Variants in TSPAN14 observed in about 807,000 individuals in gnomAD.
The protein encoded by TSPAN14 is tetraspanin 14.
TSPAN14 carries 16 observed loss-of-function variants against 36.6 expected under a neutral mutation model. The observed-to-expected ratio is 0.44, with a 90% CI of 0.30 to 0.66. TSPAN14 has a LOEUF of 0.66. Among genes scored for constraint, TSPAN14 ranks in the 30% least tolerant of loss-of-function variants. TSPAN14 has a pLI of 0.12. For synonymous variants in TSPAN14, 139 were observed against 143.8 expected (o/e 0.97, Z 0.24); for missense variants, 231 against 355.1 (o/e 0.65, Z 2.81).
chr10:80,482,240 G>C, intron 1 of TSPAN14, among the ~76,000 whole-genome samples: 1 of 152,142 alleles, frequency 6.6e-6, no homozygotes, highest in East Asian at 1.9e-4. Context: ...ATAGAAAAAA[G>C]CAAATCTACA....
At chr10:80,491,203 T>A (rs997181485) in intron 2 of TSPAN14, among the ~76,000 whole-genome samples, 3 of 152,232 alleles carry the variant, frequency 2.0e-5, no homozygotes, top group African/African-American at 7.2e-5. Context: ...CACCAACATC[T>A]GCATCATTGT....
chr10:80,472,481 G>C (rs1326752029), intron 1 of TSPAN14, among the ~76,000 whole-genome samples: 2 of 152,144 alleles, frequency 1.3e-5, no homozygotes, highest in Non-Finnish European at 2.9e-5. Context: ...TTTGTTCTTT[G>C]TAAGTGTCCT....
chr10:80,493,699 A>G (rs1267529338), intron 2 of TSPAN14, among the ~76,000 whole-genome samples: 1 of 152,270 alleles, frequency 6.6e-6, no homozygotes, highest in Non-Finnish European at 1.5e-5. Flanking sequence ...CACAGTAGTC[A>G]GAATCATAGA....
At chr10:80,476,906 C>G (rs769272136) in intron 1 of TSPAN14, among the ~76,000 whole-genome samples, 1 of 152,162 alleles carries the variant, frequency 6.6e-6, no homozygotes, top group Non-Finnish European at 1.5e-5. Context: ...TCACAAAGCC[C>G]AAATCAAATT....
intron 5 of TSPAN14, among the ~76,000 whole-genome samples, chr10:80,510,840 G>C (rs372068572): frequency 3.0e-4 from 45 of 152,122 alleles, no homozygotes; most frequent in Admixed American, 3.9e-4. Context: ...CGCCACTGCA[G>C]TCCAGCCTGG....
intron 8 of TSPAN14, 34 bp downstream of exon 8, chr10:80,516,357 G>C (rs1341771012): frequency 6.2e-7 from 1 of 1,612,832 alleles, no homozygotes; most frequent in African/African-American, 1.3e-5. Context: ...TTGGCAGGTG[G>C]CCTTTTTTCA....
intron 2 of TSPAN14, among the ~76,000 whole-genome samples, chr10:80,491,951 A>G (rs929096934): frequency 1.3e-5 from 2 of 152,114 alleles, no homozygotes; most frequent in East Asian, 1.9e-4. Context: ...TTCATTTGCA[A>G]TGGAGCTGGC....
chr10:80,500,643 G>A (rs886762101), intron 2 of TSPAN14, among the ~76,000 whole-genome samples: 8 of 152,100 alleles, frequency 5.3e-5, no homozygotes, highest in African/African-American at 1.9e-4. Flanking sequence ...GAGCTACCAC[G>A]CCTGGCCAAG....
In TSPAN14 at chr10:80,516,198, C is replaced by T; in HGVS notation, c.622-6C>T. ...AGGCTCAGACCCCTGTGGTGTTTTCCTGCAGCTGAAGAGCAAGTGGGATGA... is the reference window on the plus strand; with the variant it reads ...AGGCTCAGACCCCTGTGGTGTTTTCTTGCAGCTGAAGAGCAAGTGGGATGA... On this transcript the variant is annotated splice_region_variant and splice_polypyrimidine_tract_variant and intron_variant, in intron 7 of 8. Coordinates refer to ENST00000429989, the Ensembl canonical transcript of TSPAN14. 30 of 1,614,192 alleles carry T rather than the reference C, an allele frequency of 1.9e-5. No homozygotes were observed. Among genetic ancestry groups the T allele is most frequent in the Non-Finnish European group, 2.5e-5 (30 of 1,180,024 alleles).
intron 1 of TSPAN14, among the ~76,000 whole-genome samples, chr10:80,472,925 T>C (rs1846637983): frequency 6.6e-6 from 1 of 152,192 alleles, no homozygotes. Flanking sequence ...AGTTGCCATA[T>C]GATTCTGGAG....
intron 1 of TSPAN14, among the ~76,000 whole-genome samples, chr10:80,469,510 A>G (rs1846422583): frequency 6.6e-6 from 1 of 152,068 alleles, no homozygotes; most frequent in South Asian, 2.1e-4. Context: ...TTCCCTGGGA[A>G]TGAGACCCTG....
At chr10:80,498,668 A>G (rs1349305774) in intron 2 of TSPAN14, among the ~76,000 whole-genome samples, 1 of 152,182 alleles carries the variant, frequency 6.6e-6, no homozygotes, top group Non-Finnish European at 1.5e-5. Context: ...TGCTTGTGGC[A>G]TATCCTTGAA....
intron 2 of TSPAN14, among the ~76,000 whole-genome samples, chr10:80,503,201 G>A (rs1453092496): frequency 2.0e-5 from 3 of 152,116 alleles, no homozygotes; most frequent in African/African-American, 7.2e-5. Flanking sequence ...GACACCTGGG[G>A]AGGGAAAGGA....
chr10:80,462,817 T>C (rs1846048815), intron 1 of TSPAN14, among the ~76,000 whole-genome samples: 1 of 152,116 alleles, frequency 6.6e-6, no homozygotes. Context: ...TCTGTTGAAA[T>C]AGCTTTCTTT....
At chr10:80,512,262 A>G in exon 6 of TSPAN14, 1 of 1,613,830 alleles carries the variant, frequency 6.2e-7, no homozygotes, top group Non-Finnish European at 8.5e-7. Flanking sequence ...TGCGTGCCAG[A>G]TCCTGCGGTG....
At chr10:80,505,567 G>A (rs1840242980) in intron 3 of TSPAN14, among the ~76,000 whole-genome samples, 2 of 152,232 alleles carry the variant, frequency 1.3e-5, no homozygotes, top group South Asian at 4.1e-4. Flanking sequence ...AGCAGGAGGA[G>A]GCAGGAGAAC....
chr10:80,463,172 C>T (rs1037810685), intron 1 of TSPAN14: 1 of 152,174 alleles, frequency 6.6e-6, no homozygotes, highest in African/African-American at 2.4e-5. Flanking sequence ...CCCCCTCCTT[C>T]CCCTTGTTTC....
intron 1 of TSPAN14, among the ~76,000 whole-genome samples, chr10:80,477,307 T>G (rs1221435066): frequency 6.6e-6 from 1 of 152,240 alleles, no homozygotes; most frequent in Non-Finnish European, 1.5e-5. Flanking sequence ...TGGACTATAC[T>G]TCCTGATTTT....
chr10:80,463,499 G>C (rs1846086588), intron 1 of TSPAN14, among the ~76,000 whole-genome samples: 1 of 152,180 alleles, frequency 6.6e-6, no homozygotes, highest in African/African-American at 2.4e-5. Flanking sequence ...TAATTATGCT[G>C]TTTTGCACTT....
Sources: allele counts gnomAD v4.1 joint callset (sites outside exome capture counted in the v4.1 genomes callset), GRCh38; gene constraint gnomAD v4.1.1; transcripts MANE v1.5; gene names NCBI Gene and HGNC (gene_info 2026-07-23, HGNC 2026-07-21).